PKD1L3: variants seen among roughly 807,000 people sequenced by gnomAD.
PKD1L3 encodes the protein polycystin 1 like 3, transient receptor potential channel interacting, also known as polycystin-1-like protein 3.
A neutral mutation model predicts 184.1 loss-of-function variants in PKD1L3; 239 were observed. That is an observed-to-expected ratio of 1.30 (90% CI 1.17 to 1.45). The LOEUF (loss-of-function observed/expected upper bound fraction) is 1.45, where lower values mean the gene tolerates loss of function less well. Among genes scored for constraint, PKD1L3 ranks in the 40% most tolerant of loss-of-function variants. The pLI is 0.00. For missense variants in PKD1L3, 2,660 were observed against 2,067.2 expected, an observed-to-expected ratio of 1.29 and a Z score of -5.56; for synonymous variants, 996 against 778.8, an observed-to-expected ratio of 1.28 and a Z score of -4.64.
Position 71,993,265 on chromosome 16 carries a change from G to C in PKD1L3, c.486C>G (p.His162Gln). ...NGNNSHLYQR[H>Q]KKTKRGVAIA... ...TTGCAACTCCTCTTTTTGTCTTCTT[G>C]TGTCTCTGGTACAAATGGGAATTAT... The change falls in exon 3 of 30, where the codon CAC (histidine) becomes CAG (glutamine). Residue 162 changes from histidine to glutamine, a missense_variant. Transcript: ENST00000620267. 1.3e-6 allele frequency: 2 copies of C among 1,550,164 alleles called. No homozygotes were observed. The highest frequency in any genetic ancestry group is 1.7e-6 in the Non-Finnish European group (2 of 1,146,484).
intron 4 of PKD1L3, among the ~76,000 whole-genome samples, 168 bp from the exon 5 acceptor site, chr16:71,986,637 C>A (rs1291973371): frequency 7.2e-5 from 11 of 152,080 alleles, no homozygotes; most frequent in Admixed American, 7.2e-4. Flanking sequence ...TTCAAGAAAT[C>A]TGCATATTAC....
At chr16:71,967,849 G>T in intron 14 of PKD1L3, 57 bp downstream of exon 14, 3 of 1,379,940 alleles carry the variant, frequency 2.2e-6, no homozygotes, top group Non-Finnish European at 3.0e-6. Flanking sequence ...CCAACTCAGA[G>T]TGTGTCTCAT....
chr16:71,948,164 C>T (rs1431829254), intron 21 of PKD1L3, among the ~76,000 whole-genome samples: 1 of 152,150 alleles, frequency 6.6e-6, no homozygotes, highest in Non-Finnish European at 1.5e-5. Flanking sequence ...TCAGTGCAAC[C>T]TCTGCCTCCC....
intron 2 of PKD1L3, among the ~76,000 whole-genome samples, chr16:71,995,842 A>G (rs1195706891): frequency 6.6e-6 from 1 of 152,232 alleles, no homozygotes; most frequent in Non-Finnish European, 1.5e-5. Context: ...TACAGATTAT[A>G]TCTTACTGCA....
chr16:71,977,376 G>A lies in PKD1L3; in HGVS notation c.1619C>T (p.Ser540Phe), dbSNP rs1403937115. 1.3e-6 allele frequency: 2 copies of A among 1,551,058 alleles called. No homozygotes were observed. Among genetic ancestry groups the A allele is most frequent in the South Asian group, 1.2e-5 (1 of 84,040 alleles). Residue 540 changes from serine to phenylalanine, a missense_variant, in exon 11 of 30, where the codon TCC (serine) becomes TTC (phenylalanine). Transcript: ENST00000620267. ...GCTCACTATCAAGGATTTCTCCAAG[G>A]AAGTGACGTTCACTGTGATTGTAAG... ...HQLTITVNVT[S>F]LEKSLIVSID...
chr16:71,950,996 G>T (rs1416203140), intron 19 of PKD1L3, among the ~76,000 whole-genome samples: 1 of 151,818 alleles, frequency 6.6e-6, no homozygotes, highest in Non-Finnish European at 1.5e-5. Flanking sequence ...GCATGCCTTG[G>T]CCTCCCAAAA....
chr16:71,963,332 C>T lies in PKD1L3; in HGVS notation c.2485G>A (p.Val829Ile). The change falls in exon 16 of 30, where the codon GTC becomes ATC. Residue 829 changes from valine to isoleucine, a missense_variant. Physicochemically the swap from Val to Ile is conservative, Grantham distance 29. Transcript: ENST00000620267. ...SPSWYVSQVI[V>I]CDMAVKRKWH... The stretch of plus-strand genomic sequence containing the variant: ...TTCCTCTTAACTGCCATGTCACAGA[C>T]AATTACCTGGCTGACATACCTATAG... The T allele has an allele frequency of 6.5e-7, 1 of 1,550,056 alleles. No homozygotes were observed. Among genetic ancestry groups the T allele is most frequent in the Non-Finnish European group, 8.7e-7 (1 of 1,146,216 alleles).
At chr16:71,938,010 G>A (rs1431929878) in intron 24 of PKD1L3, among the ~76,000 whole-genome samples, 3 of 152,162 alleles carry the variant, frequency 2.0e-5, no homozygotes, top group Admixed American at 6.5e-5. Context: ...GTTGAGCTGC[G>A]GGAGCCAGTA....
rs60493669 is a variant in PKD1L3 at position 71,999,681 on chromosome 16, T to A, written c.295+3A>T. 0.043 allele frequency: 65,629 copies of A among 1,539,740 alleles called. 1,573 individuals are homozygous for A. Among genetic ancestry groups the A allele is most frequent in the East Asian group, 0.051 (2,086 of 40,656 alleles). ...TCATAAACACTGAACCCCAGGGTCT[T>A]ACCTGGGTATTTGTTGTCTTGATGC... On this transcript the variant is annotated splice_donor_region_variant and intron_variant, in intron 1 of 29. Transcript: ENST00000620267.
chr16:71,989,756 G>A (rs936489053), intron 4 of PKD1L3, among the ~76,000 whole-genome samples: 3 of 152,166 alleles, frequency 2.0e-5, no homozygotes, highest in Non-Finnish European at 2.9e-5. Context: ...AATTACATCA[G>A]CATGAAAGCC....
At position 71,937,055 on chromosome 16, in the gene PKD1L3, C is replaced by T. The variant is rs1452624034; in HGVS notation, c.4452+237G>A. 2.6e-5 allele frequency among the ~76,000 whole-genome samples: 4 copies of T among 152,070 alleles called. No individual in the cohort carries two copies. In the East Asian group the frequency reaches 7.7e-4, roughly 29 times the overall value. ...TATTTCTCACATCTAACACCATCAT[C>T]ATCATCATCATTATTTTTGAGACAG... On this transcript the variant is annotated intron_variant, in intron 25 of 29. Coordinates refer to ENST00000620267, the MANE Select transcript of PKD1L3 (RefSeq NM_181536.2).
At chr16:71,983,907 C>A in intron 6 of PKD1L3, 129 bp downstream of exon 6, 1 of 1,279,164 alleles carries the variant, frequency 7.8e-7, no homozygotes, top group East Asian at 2.8e-5. Flanking sequence ...ATGTGATCCG[C>A]CCGCCTCGGC....
rs1398603841 is a variant in PKD1L3 at position 71,951,835 on chromosome 16, T to A, written c.3010-91A>T. 4 of 1,184,688 alleles carry A rather than the reference T, an allele frequency of 3.4e-6. No homozygotes were observed. In the Admixed American group the frequency reaches 1.1e-4, roughly 32 times the overall value. 73.4% of individuals were successfully genotyped at this position (1,184,688 alleles called of 1,614,324 possible). The stretch of plus-strand genomic sequence containing the variant: ...CAGGTGGTAAGGCCGTTCCCTTTCG[T>A]CAGAAGGGGATATGCTTAGCACAAA... On this transcript the variant is annotated intron_variant, in intron 18 of 29. Transcript: ENST00000620267.
At chr16:71,944,370 T>A (rs931544202) in intron 22 of PKD1L3, among the ~76,000 whole-genome samples, 200 bp from the exon 23 acceptor site, 2 of 152,180 alleles carry the variant, frequency 1.3e-5, no homozygotes, top group Admixed American at 6.5e-5. Flanking sequence ...CTGATACTTT[T>A]GTACAATACA....
Position 71,984,060 on chromosome 16 carries a change from G to C in PKD1L3, c.942C>G (p.Thr314=), listed in dbSNP as rs1237925814. ...CCTGAGCTGGCTTAGAAAATCTTGG[G>C]GTTAAGGCTGTTAGTTTCTGGAGGA... is the stretch of plus-strand genomic sequence containing the variant. ...CEFLQKLTAL[T]PRFSKPAQVN... Residue 314 remains threonine (T), a synonymous_variant, in exon 6 of 30, where the codon ACC becomes ACG. Coordinates refer to ENST00000620267, the MANE Select transcript of PKD1L3 (RefSeq NM_181536.2). 3 of 1,552,038 alleles carry C rather than the reference G, an allele frequency of 1.9e-6. No homozygotes were observed. The African/African-American group carries it at 4.1e-5, about 21-fold the overall frequency.
At chr16:71,969,799 G>T (rs182056344) in intron 13 of PKD1L3, 76 bp downstream of exon 13, 4 of 1,304,866 alleles carry the variant, frequency 3.1e-6, no homozygotes, top group East Asian at 2.6e-5. Context: ...TGCTTTTGAC[G>T]AAGGTGTTTT....
chr16:71,951,281 C>G (rs531837017), intron 19 of PKD1L3, among the ~76,000 whole-genome samples: 15 of 152,344 alleles, frequency 9.8e-5, no homozygotes, highest in African/African-American at 2.4e-4. Flanking sequence ...CTCAGGTAAT[C>G]TGCCCACCTC....
At chr16:71,981,644 G>C (rs948829457) in intron 7 of PKD1L3, among the ~76,000 whole-genome samples, 1 of 149,210 alleles carries the variant, frequency 6.7e-6, no homozygotes, top group Non-Finnish European at 1.5e-5. Context: ...AGGTTCAAGC[G>C]ATTCTCCTGC....
rs1329984764 is a variant in PKD1L3, at chr16:71,999,925, A to G, written c.54T>C (p.Ile18=). ...WLWLYIRTSI[I]LGSELNSPAP... ...CTGGGCTGTTTAGCTCACTTCCTAG[A>G]ATAATACTTGTTCTGATGTATAACC... is the stretch of plus-strand genomic sequence containing the variant. The change falls in exon 1 of 30, where the codon ATT becomes ATC. Residue 18 remains isoleucine, a synonymous_variant. Transcript: ENST00000620267. The G allele has an allele frequency of 6.4e-7, 1 of 1,550,496 alleles. No individual in the cohort carries two copies.
Sources: gnomAD v4.1 joint callset for allele counts (sites outside exome capture counted in the v4.1 genomes callset) on GRCh38, gnomAD v4.1.1 for gene constraint, MANE v1.5 for transcripts, NCBI Gene and HGNC (gene_info 2026-07-23, HGNC 2026-07-21) for gene names.